Variants in JMJD1C observed in about 807,000 individuals in gnomAD.
The protein encoded by JMJD1C is jumonji domain-containing protein 1C.
Under a neutral mutation model 245.3 loss-of-function variants are expected in JMJD1C, and 31 were observed. That is an observed-to-expected ratio of 0.13 (90% CI 0.09 to 0.17). The LOEUF is 0.17. Ranked by LOEUF, JMJD1C falls within the 10% of genes least tolerant of loss-of-function variation. The pLI, the probability that JMJD1C is intolerant of heterozygous loss-of-function variation, is 1.00. For synonymous variants in JMJD1C, 1,057 were observed against 1,017.4 expected (o/e 1.04, Z -0.74); for missense variants, 2,691 against 3,000.2 (o/e 0.90, Z 2.41).
intron 2 of JMJD1C, among the ~76,000 whole-genome samples, chr10:63,281,461 T>G: frequency 3.3e-5 from 1 of 30,264 alleles, no homozygotes; most frequent in African/African-American, 1.7e-4. Context: ...GCCTGGCCTT[T>G]TTTTTTTTTT....
In JMJD1C at chr10:63,442,105, T is replaced by C. The variant is rs566990001; in HGVS notation, c.168+23390A>G. ...AAGAAAATTAGACCTGGTAAAATGA[T>C]GTACAGACAAGCAACCAAAAATACT... On this transcript the variant is annotated intron_variant, in intron 1 of 25. Coordinates refer to ENST00000399262, the MANE Select transcript of JMJD1C (RefSeq NM_032776.3). Among the ~76,000 whole-genome samples, 7 of 152,298 alleles carry C rather than the reference T, an allele frequency of 4.6e-5. No homozygotes were observed. The South Asian group carries it at 1.0e-3, about 23-fold the overall frequency.
chr10:63,322,269 C>T (rs1425474023), intron 2 of JMJD1C, among the ~76,000 whole-genome samples: 3 of 152,096 alleles, frequency 2.0e-5, no homozygotes, highest in Non-Finnish European at 2.9e-5. Flanking sequence ...GAGGATCTCA[C>T]CTAAGGACTC....
At chr10:63,521,596 G>T in intron 1 of JMJD1C, 1 of 1,399,684 alleles carries the variant, frequency 7.1e-7, no homozygotes, top group Non-Finnish European at 9.4e-7. Flanking sequence ...CTCTCACTGC[G>T]CCCTGCAGCC....
chr10:63,183,413 T>C (rs1406596847), intron 22 of JMJD1C, 34 bp downstream of exon 22: 12 of 1,573,958 alleles, frequency 7.6e-6, no homozygotes, highest in African/African-American at 1.4e-5. Flanking sequence ...TATTCAACTC[T>C]TATTTCAAAG....
intron 1 of JMJD1C, among the ~76,000 whole-genome samples, chr10:63,389,849 AAATC>A (rs1947914981): frequency 6.6e-6 from 1 of 152,168 alleles, no homozygotes; most frequent in Admixed American, 6.6e-5. Context: ...CAATAAATAA[AAATC>A]AATTCAAAAC....
At chr10:63,424,713 C>A (rs755736512) in intron 1 of JMJD1C, among the ~76,000 whole-genome samples, 1 of 151,754 alleles carries the variant, frequency 6.6e-6, no homozygotes. Flanking sequence ...ATCATTCAGA[C>A]CTGAACATCA....
chr10:63,520,651 G>C (rs1735841253), intron 1 of JMJD1C, among the ~76,000 whole-genome samples: 2 of 152,164 alleles, frequency 1.3e-5, no homozygotes, highest in South Asian at 4.1e-4. Context: ...AGACAGGTCA[G>C]GAATCCTAGA....
intron 10 of JMJD1C, chr10:63,203,693 A>G (rs1449102144): frequency 1.0e-6 from 1 of 983,802 alleles, no homozygotes. Flanking sequence ...AAAAGGTAGC[A>G]GAGAGGAAGA....
intron 1 of JMJD1C, among the ~76,000 whole-genome samples, chr10:63,383,876 G>C (rs1261554554): frequency 6.6e-6 from 1 of 152,114 alleles, no homozygotes; most frequent in Non-Finnish European, 1.5e-5. Context: ...TCAAGGTGGG[G>C]TGTTTGTGAC....
intron 1 of JMJD1C, among the ~76,000 whole-genome samples, chr10:63,507,596 G>T (rs1019964643): frequency 3.2e-5 from 4 of 125,076 alleles, no homozygotes; most frequent in African/African-American, 1.2e-4. Flanking sequence ...AGTGAGCTGA[G>T]ATTGCACCAC....
At chr10:63,307,367 A>T (rs1320460592) in intron 2 of JMJD1C, among the ~76,000 whole-genome samples, 1 of 152,260 alleles carries the variant, frequency 6.6e-6, no homozygotes, top group Admixed American at 6.5e-5. Flanking sequence ...CGGACAATTT[A>T]AAAGTAGGTT....
At chr10:63,291,010 A>T (rs1486380315) in intron 2 of JMJD1C, among the ~76,000 whole-genome samples, 1 of 152,166 alleles carries the variant, frequency 6.6e-6, no homozygotes, top group Non-Finnish European at 1.5e-5. Context: ...GTTTCTTTTT[A>T]AGAAACAGGG....
At chr10:63,189,768 G>C (rs1198610896) in intron 17 of JMJD1C, among the ~76,000 whole-genome samples, 1 of 152,054 alleles carries the variant, frequency 6.6e-6, no homozygotes, top group Non-Finnish European at 1.5e-5. Context: ...AGAGATGAGG[G>C]TCTTGCTATG....
intron 1 of JMJD1C, among the ~76,000 whole-genome samples, chr10:63,512,482 G>A (rs1426135419): frequency 1.3e-5 from 2 of 152,026 alleles, no homozygotes; most frequent in Non-Finnish European, 2.9e-5. Context: ...AATTCTAGGT[G>A]GTGGGCTTCT....
At chr10:63,321,573 CA>C (rs1038749316) in intron 2 of JMJD1C, among the ~76,000 whole-genome samples, 8 of 152,156 alleles carry the variant, frequency 5.3e-5, no homozygotes, top group African/African-American at 1.7e-4. Flanking sequence ...GTGGAAAAAA[CA>C]ATTTGGTTTG....
chr10:63,461,138 T>C (rs1952767915), intron 1 of JMJD1C, among the ~76,000 whole-genome samples: 1 of 152,294 alleles, frequency 6.6e-6, no homozygotes, highest in Non-Finnish European at 1.5e-5. Context: ...ATTGGGGCAA[T>C]TTCGTCATTT....
At chr10:63,407,678 A>G (rs1311161935) in intron 1 of JMJD1C, among the ~76,000 whole-genome samples, 1 of 152,210 alleles carries the variant, frequency 6.6e-6, no homozygotes, top group Non-Finnish European at 1.5e-5. Flanking sequence ...ATACATAGGG[A>G]AAAATGACAG....
chr10:63,272,978 C>A (rs1856472820), intron 2 of JMJD1C, among the ~76,000 whole-genome samples: 1 of 152,114 alleles, frequency 6.6e-6, no homozygotes, highest in African/African-American at 2.4e-5. Context: ...CTTAGTAACA[C>A]AAATGTACTA....
chr10:63,516,234 GAA>G (rs35469301), intron 1 of JMJD1C, among the ~76,000 whole-genome samples: 86 of 139,174 alleles, frequency 6.2e-4, no homozygotes, highest in African/African-American at 2.0e-3. Context: ...GACTTTGAGG[GAA>G]AAAAAAAAAA....
Sources: allele counts gnomAD v4.1 joint callset (sites outside exome capture counted in the v4.1 genomes callset), GRCh38; gene constraint gnomAD v4.1.1; transcripts MANE v1.5; gene names NCBI Gene and HGNC (gene_info 2026-07-23, HGNC 2026-07-21).